FHIP1A: variants seen among roughly 807,000 people sequenced by gnomAD.
FHIP1A encodes FHF complex subunit HOOK-interacting protein 1A.
A neutral mutation model predicts 88.6 loss-of-function variants in FHIP1A; 61 were observed. The ratio of observed to expected loss-of-function variants is 0.69; its 90% CI spans 0.56 to 0.85. The LOEUF (loss-of-function observed/expected upper bound fraction) is 0.85, where lower values mean the gene tolerates loss of function less well. FHIP1A is among the 40% of genes least tolerant of loss of function. The pLI, the probability that FHIP1A is intolerant of heterozygous loss-of-function variation, is 0.00. For synonymous variants in FHIP1A, 478 were observed against 496.0 expected (o/e 0.96, Z 0.48); for missense variants, 1,154 against 1,273.5 (o/e 0.91, Z 1.43).
Position 151,506,214 on chromosome 4 carries a change from G to A in FHIP1A, c.-123+23566G>A, listed in dbSNP as rs764998187. On this transcript the variant is annotated intron_variant, in intron 3 of 13. Transcript: ENST00000435205. ...TGAGCCACTGTGCCTGGCCTAAATG[G>A]GGGAATGAAATTGACCTCGGTGGTG... is the stretch of plus-strand genomic sequence containing the variant. Among the ~76,000 whole-genome samples the A allele has an allele frequency of 7.3e-4, 111 of 152,190 alleles. 1 individual carries two copies. The highest frequency in any genetic ancestry group is 1.3e-3 in the Non-Finnish European group (88 of 68,006).
At position 151,667,661 on chromosome 4, in the gene FHIP1A, C is replaced by T. The variant is rs1238115664; in HGVS notation, c.*4907C>T. On this transcript the variant is annotated 3_prime_UTR_variant, in exon 14 of 14. Transcript: ENST00000435205. ...AAGCCTTCAGTTCTTTGACCTCTTG[C>T]ACGTAGAATCCTAAAACTGATCATG... is the stretch of plus-strand genomic sequence containing the variant. Among the ~76,000 whole-genome samples, 1 of 152,170 alleles carries T rather than the reference C, an allele frequency of 6.6e-6. No homozygotes were observed. Among genetic ancestry groups the T allele is most frequent in the Admixed American group, 6.5e-5 (1 of 15,286 alleles).
chr4:151,509,124 A>C (rs1730933323), intron 3 of FHIP1A, among the ~76,000 whole-genome samples: 1 of 152,248 alleles, frequency 6.6e-6, no homozygotes, highest in East Asian at 1.9e-4. Flanking sequence ...TGACTTTTTC[A>C]GTCACTGGCA....
At chr4:151,581,300 A>G (rs538206483) in intron 5 of FHIP1A, among the ~76,000 whole-genome samples, 5 of 152,318 alleles carry the variant, frequency 3.3e-5, no homozygotes, top group Admixed American at 3.3e-4. Context: ...GGGTGAAGGA[A>G]GGGAAGGGAT....
chr4:151,468,627 T>G (rs999188139), intron 2 of FHIP1A, among the ~76,000 whole-genome samples: 1 of 152,216 alleles, frequency 6.6e-6, no homozygotes, highest in African/African-American at 2.4e-5. Context: ...CATGCCCCAT[T>G]TCTGTAGACA....
intron 1 of FHIP1A, among the ~76,000 whole-genome samples, chr4:151,433,795 T>G (rs75774094): frequency 0.014 from 2,147 of 152,282 alleles, 49 homozygotes; most frequent in African/African-American, 0.05. Flanking sequence ...TCGTAGCCCT[T>G]TAGAATCTCT....
chr4:151,578,805 T>C (rs992505333), intron 5 of FHIP1A, among the ~76,000 whole-genome samples: 3 of 152,232 alleles, frequency 2.0e-5, no homozygotes, highest in Non-Finnish European at 4.4e-5. Flanking sequence ...TGGATGTTTA[T>C]AGAAGCTTTA....
At chr4:151,580,782 A>G (rs1733990891) in intron 5 of FHIP1A, among the ~76,000 whole-genome samples, 1 of 152,012 alleles carries the variant, frequency 6.6e-6, no homozygotes, top group Admixed American at 6.6e-5. Flanking sequence ...AAGTGTATGA[A>G]TCATGTGTAT....
At chr4:151,584,908 ACTT>A (rs1220694612) in intron 5 of FHIP1A, among the ~76,000 whole-genome samples, 3 of 152,058 alleles carry the variant, frequency 2.0e-5, no homozygotes, top group East Asian at 1.9e-4. Context: ...CTTAGATATC[ACTT>A]CTTCTGAGAA....
In FHIP1A at chr4:151,496,716, C is replaced by CTTTTTTTTTTTTTT. The variant is rs58538673; in HGVS notation, c.-123+14072_-123+14085dup. 1.7e-3 allele frequency among the ~76,000 whole-genome samples: 176 copies of CTTTTTTTTTTTTTT among 102,452 alleles called. 7 individuals carry two copies. Among genetic ancestry groups the CTTTTTTTTTTTTTT allele is most frequent in the African/African-American group, 3.4e-3 (84 of 25,042 alleles). The allele number at this position is 102,452 out of a possible 152,430, so 67.2% of individuals were successfully genotyped here. A position where few individuals can be genotyped will look rare whatever the true frequency, so the allele number is the denominator to read the frequency against. On this transcript the variant is annotated intron_variant, in intron 3 of 13. Coordinates refer to ENST00000435205, the MANE Select transcript of FHIP1A (RefSeq NM_001109977.3). ...CACAGGAGCATACCACCACGTCCAGCTTTTTTTTTTTTTTTTTGTATTTTT... is the reference window on the plus strand; with the variant it reads ...CACAGGAGCATACCACCACGTCCAGCTTTTTTTTTTTTTTTTTTTTTTTTTTTTTTTGTATTTTT...
intron 3 of FHIP1A, among the ~76,000 whole-genome samples, chr4:151,539,378 T>C (rs1310895458): frequency 6.6e-6 from 1 of 151,720 alleles, no homozygotes; most frequent in East Asian, 1.9e-4. Context: ...GGTCAGGAGT[T>C]CAAGACTAGC....
intron 3 of FHIP1A, among the ~76,000 whole-genome samples, chr4:151,551,994 AC>A (rs1732753534): frequency 6.6e-6 from 1 of 152,172 alleles, no homozygotes; most frequent in Non-Finnish European, 1.5e-5. Flanking sequence ...GAAAAAAACA[AC>A]CCCATCAAAA....
chr4:151,447,453 T>G (rs749885070), intron 1 of FHIP1A, among the ~76,000 whole-genome samples: 2 of 152,224 alleles, frequency 1.3e-5, no homozygotes, highest in Non-Finnish European at 2.9e-5. Flanking sequence ...TCACTTCCCC[T>G]GTGCTGCAGC....
At chr4:151,582,556 T>C (rs1734064625) in intron 5 of FHIP1A, among the ~76,000 whole-genome samples, 1 of 152,222 alleles carries the variant, frequency 6.6e-6, no homozygotes, top group African/African-American at 2.4e-5. Flanking sequence ...ACTTAAGTCC[T>C]TGGTCTCAGC....
chr4:151,409,834 C>T (rs758124968), intron 1 of FHIP1A, among the ~76,000 whole-genome samples: 5 of 152,076 alleles, frequency 3.3e-5, no homozygotes, highest in Non-Finnish European at 7.4e-5. Context: ...CAGGAAAAGG[C>T]AAAGAGATGT....
chr4:151,499,993 T>G lies in FHIP1A; in HGVS notation c.-123+17345T>G, dbSNP rs114047171. The stretch of plus-strand genomic sequence containing the variant: ...CCTCCATTCTCCACATAGATTCTAC[T>G]TTTTTCTCATTTTCTTTTGGAAGTC... On this transcript the variant is annotated intron_variant, in intron 3 of 13. Coordinates refer to ENST00000435205, the MANE Select transcript of FHIP1A (RefSeq NM_001109977.3). 2.6e-3 allele frequency among the ~76,000 whole-genome samples: 400 copies of G among 152,336 alleles called. 1 individual carries two copies. The highest frequency in any genetic ancestry group is 9.2e-3 in the African/African-American group (383 of 41,574).
At position 151,482,037 on chromosome 4, in the gene FHIP1A, G is replaced by A. The variant is rs549555294; in HGVS notation, c.-247-487G>A. Among the ~76,000 whole-genome samples the A allele has an allele frequency of 1.2e-4, 18 of 152,236 alleles. No individual in the cohort carries two copies. In the East Asian group the frequency reaches 2.7e-3, roughly 23 times the overall value. On this transcript the variant is annotated intron_variant, in intron 2 of 13. Transcript: ENST00000435205. ...AAGTAGACTTTGCCCGTTGGATGGC[G>A]AAAACCTGAACTATGAATTGTCAGT...
At chr4:151,619,575 A>T (rs774200553) in intron 7 of FHIP1A, among the ~76,000 whole-genome samples, 1 of 152,242 alleles carries the variant, frequency 6.6e-6, no homozygotes, top group Non-Finnish European at 1.5e-5. Context: ...GGAGAATGTT[A>T]CTAGATTACT....
chr4:151,467,428 G>C (rs1443894961), intron 2 of FHIP1A, among the ~76,000 whole-genome samples: 1 of 152,126 alleles, frequency 6.6e-6, no homozygotes, highest in African/African-American at 2.4e-5. Context: ...ATTCCTCAAG[G>C]ATCTAGAACC....
At position 151,665,308 on chromosome 4, in the gene FHIP1A, A is replaced by G. The variant is rs1737621751; in HGVS notation, c.*2554A>G. ...AGACTTACTTTAAATGAGGACAGAG[A>G]TGACTGGTGTGTGCAGTGACAGGCA... On this transcript the variant is annotated 3_prime_UTR_variant, in exon 14 of 14. Coordinates refer to ENST00000435205, the MANE Select transcript of FHIP1A (RefSeq NM_001109977.3). 6.6e-6 allele frequency among the ~76,000 whole-genome samples: 1 copy of G among 152,194 alleles called. No homozygotes were observed. Among genetic ancestry groups the G allele is most frequent in the Non-Finnish European group, 1.5e-5 (1 of 68,042 alleles).
Sources: gnomAD v4.1 joint callset for allele counts (sites outside exome capture counted in the v4.1 genomes callset) on GRCh38, gnomAD v4.1.1 for gene constraint, MANE v1.5 for transcripts, NCBI Gene and HGNC (gene_info 2026-07-23, HGNC 2026-07-21) for gene names.